The following DNMBP variants were observed in gnomAD, a reference collection of about 807,000 sequenced individuals.
DNMBP encodes dynamin-binding protein.
Under a neutral mutation model 150.0 loss-of-function variants are expected in DNMBP, and 87 were observed. The observed-to-expected ratio is 0.58, with a 90% CI of 0.49 to 0.69. The LOEUF is 0.69. Ranked by LOEUF, DNMBP falls within the 30% of genes least tolerant of loss-of-function variation. The pLI, the probability that DNMBP is intolerant of heterozygous loss-of-function variation, is 0.00. For missense variants in DNMBP, 1,774 were observed against 1,949.0 expected (o/e 0.91, Z 1.69); for synonymous variants, 711 against 750.4 (o/e 0.95, Z 0.86).
intron 1 of DNMBP, among the ~76,000 whole-genome samples, chr10:99,995,396 TC>T (rs922409022): frequency 1.3e-5 from 2 of 152,108 alleles, no homozygotes; most frequent in Admixed American, 1.3e-4. Flanking sequence ...CTCTAAGGCT[TC>T]CCCATCCATC....
At chr10:99,915,108 A>AATATATATATATAT (rs1554863107) in intron 4 of DNMBP, among the ~76,000 whole-genome samples, 3 of 99,798 alleles carry the variant, frequency 3.0e-5, no homozygotes, top group African/African-American at 1.3e-4. Flanking sequence ...AAAAAAAAAA[A>AATATATATATATAT]ATATATATAT....
At position 99,880,251 on chromosome 10, in the gene DNMBP, A is replaced by C. The variant is rs766514590; in HGVS notation, c.4108T>G (p.Ser1370Ala). The C allele has an allele frequency of 1.9e-6, 3 of 1,613,880 alleles. No individual in the cohort carries two copies. The Admixed American group carries it at 5.0e-5, about 27-fold the overall frequency. The change falls in exon 16 of 17, where the codon TCC (serine) becomes GCC (alanine). Residue 1370 changes from serine to alanine, a missense_variant. Physicochemically the swap from Ser to Ala is moderately conservative, Grantham distance 99. Transcript: ENST00000324109. ...HSSTESEHGSSSPRFPRQNSG... is the reference protein window; with the variant it reads ...HSSTESEHGSASPRFPRQNSG... The stretch of plus-strand genomic sequence containing the variant: ...TTCTGGCGTGGGAACCTGGGGGAGG[A>C]GCTGCCGTGCTCAGACTCTGTGGAG...
Position 100,001,058 on chromosome 10 carries a change from C to T in DNMBP, c.-11+8780G>A, listed in dbSNP as rs371367498. Reference sequence around the variant, plus strand: ...CAGCCTGGCCAACATGGGGAAACTCCATCTCTACTAAAGAATACAAAAATT... The same window carrying T: ...CAGCCTGGCCAACATGGGGAAACTCTATCTCTACTAAAGAATACAAAAATT... On this transcript the variant is annotated intron_variant, in intron 1 of 16. Transcript: ENST00000324109. Among the ~76,000 whole-genome samples, 53 of 149,646 alleles carry T rather than the reference C, an allele frequency of 3.5e-4. 1 individual carries two copies. Among genetic ancestry groups the T allele is most frequent in the African/African-American group, 1.2e-3 (48 of 40,772 alleles).
intron 15 of DNMBP, among the ~76,000 whole-genome samples, chr10:99,880,995 G>A (rs1781215520): frequency 1.3e-5 from 2 of 152,194 alleles, no homozygotes; most frequent in Admixed American, 1.3e-4. Flanking sequence ...GGTGGCTGAG[G>A]AGGGCAGATC....
At chr10:99,935,867 A>AT (rs1483334094) in intron 4 of DNMBP, among the ~76,000 whole-genome samples, 5 of 151,600 alleles carry the variant, frequency 3.3e-5, no homozygotes, top group Admixed American at 6.6e-5. Context: ...ACCTGGCCTA[A>AT]TTTTTTTTTA....
intron 4 of DNMBP, among the ~76,000 whole-genome samples, chr10:99,910,152 A>G (rs920838344): frequency 6.6e-6 from 1 of 152,258 alleles, no homozygotes; most frequent in African/African-American, 2.4e-5. Flanking sequence ...AGGTTTAAGA[A>G]GCAAAAACAC....
chr10:99,998,168 G>A (rs1249294678), intron 1 of DNMBP, among the ~76,000 whole-genome samples: 2 of 148,438 alleles, frequency 1.3e-5, no homozygotes, highest in African/African-American at 5.0e-5. Context: ...CCGGGAGGTG[G>A]AGGTTGCAAT....
chr10:99,946,577 C>A (rs1211916963), intron 4 of DNMBP, among the ~76,000 whole-genome samples: 1 of 152,208 alleles, frequency 6.6e-6, no homozygotes, highest in Non-Finnish European at 1.5e-5. Flanking sequence ...TGAAACTGGA[C>A]TTCCATCTCT....
chr10:99,956,200 T>C lies in DNMBP; in HGVS notation c.1274A>G (p.Gln425Arg), dbSNP rs776294474. 1.2e-6 allele frequency: 2 copies of C among 1,614,118 alleles called. No homozygotes were observed. Among genetic ancestry groups the C allele is most frequent in the East Asian group, 2.2e-5 (1 of 44,872 alleles). ...CACTGTAGAATAATACTGGCTTTTC[T>C]GCAAGTTGGGATGAAAAGGGACCTG... ...QPQVPFHPNL[Q>R]KSQYYSTVGG... is the part of the protein sequence containing the mutation. Residue 425 changes from glutamine (Q) to arginine (R), a missense_variant, in exon 4 of 17, where the codon CAG (glutamine) becomes CGG (arginine). Coordinates refer to ENST00000324109, the MANE Select transcript of DNMBP (RefSeq NM_015221.4).
chr10:99,894,245 G>C lies in DNMBP; in HGVS notation c.3156+701C>G, dbSNP rs563737501. On this transcript the variant is annotated intron_variant, in intron 11 of 16. Transcript: ENST00000324109. ...TGATGGCACTATTGCACTCCAGTCT[G>C]GGTGAGAGAAAGAGACTCTGTCTCT... Among the ~76,000 whole-genome samples, 8 of 152,280 alleles carry C rather than the reference G, an allele frequency of 5.3e-5. No homozygotes were observed. In the South Asian group the frequency reaches 1.7e-3, roughly 32 times the overall value.
chr10:99,976,382 C>T (rs1283034907), intron 1 of DNMBP, among the ~76,000 whole-genome samples: 1 of 152,190 alleles, frequency 6.6e-6, no homozygotes, highest in African/African-American at 2.4e-5. Context: ...GGTCCAAGTT[C>T]ATTATTAAGA....
chr10:99,919,783 T>C (rs1334931631), intron 4 of DNMBP, among the ~76,000 whole-genome samples: 1 of 152,222 alleles, frequency 6.6e-6, no homozygotes, highest in Non-Finnish European at 1.5e-5. Flanking sequence ...GAAGACTCCA[T>C]CTGGGAGCTG....
At chr10:99,940,671 C>CT (rs2040286815) in intron 4 of DNMBP, among the ~76,000 whole-genome samples, 1 of 152,070 alleles carries the variant, frequency 6.6e-6, no homozygotes, top group African/African-American at 2.4e-5. Flanking sequence ...TTTTTGCTTT[C>CT]TTTTATAGCA....
In DNMBP at chr10:99,888,959, G is replaced by A. The variant is rs1239131924; in HGVS notation, c.3157-6C>T. On this transcript the variant is annotated splice_region_variant and splice_polypyrimidine_tract_variant and intron_variant, in intron 11 of 16. Transcript: ENST00000324109. ...ACTTTCACACATGCGGACTCCTGGA[G>A]CCAGTTAGGACAGACACAAGTCAGA... 2 of 1,613,942 alleles carry A rather than the reference G, an allele frequency of 1.2e-6. No individual in the cohort carries two copies. The highest frequency in any genetic ancestry group is 1.1e-5 in the South Asian group (1 of 91,072).
intron 4 of DNMBP, among the ~76,000 whole-genome samples, chr10:99,937,853 A>G (rs1252247695): frequency 6.6e-6 from 1 of 152,234 alleles, no homozygotes; most frequent in African/African-American, 2.4e-5. Flanking sequence ...GGAAGTCAAC[A>G]TTATTCGGGA....
chr10:99,912,955 T>C (rs1276686856), intron 4 of DNMBP, among the ~76,000 whole-genome samples: 1 of 152,176 alleles, frequency 6.6e-6, no homozygotes, highest in Non-Finnish European at 1.5e-5. Flanking sequence ...ATAAAAACTT[T>C]TTCCTTTATG....
At chr10:100,000,362 A>G (rs376987412) in intron 1 of DNMBP, among the ~76,000 whole-genome samples, 5 of 152,274 alleles carry the variant, frequency 3.3e-5, no homozygotes, top group African/African-American at 1.2e-4. Context: ...CATGAAAACA[A>G]TGCAGAATGC....
At chr10:99,972,256 C>A (rs2040686492) in intron 1 of DNMBP, 122 bp from the exon 2 acceptor site, 1 of 950,598 alleles carries the variant, frequency 1.1e-6, no homozygotes, top group Non-Finnish European at 1.5e-6. Flanking sequence ...CAAAGCTAAG[C>A]AAATAAGTTA....
At chr10:99,906,625 T>A (rs2039829059) in intron 6 of DNMBP, among the ~76,000 whole-genome samples, 1 of 152,168 alleles carries the variant, frequency 6.6e-6, no homozygotes, top group Non-Finnish European at 1.5e-5. Context: ...TCTAGGTGAC[T>A]CATGACTCAT....
Sources: gnomAD v4.1 joint callset for allele counts (sites outside exome capture counted in the v4.1 genomes callset) on GRCh38, gnomAD v4.1.1 for gene constraint, MANE v1.5 for transcripts, NCBI Gene and HGNC (gene_info 2026-07-23, HGNC 2026-07-21) for gene names.